Variants in SEPTIN14 observed in about 807,000 individuals in gnomAD.
SEPTIN14 encodes septin 14.
In SEPTIN14, 40 loss-of-function variants were observed where a neutral mutation model predicts 53.6. The observed-to-expected ratio is 0.75, with a 90% CI of 0.58 to 0.97. SEPTIN14 has a LOEUF of 0.97. Ranked by LOEUF, SEPTIN14 falls within the 50% of genes least tolerant of loss-of-function variation. SEPTIN14 has a pLI of 0.00. For synonymous variants in SEPTIN14, 138 were observed against 166.8 expected (o/e 0.83, Z 1.33); for missense variants, 471 against 508.2 (o/e 0.93, Z 0.70).
chr7:55,855,843 C>T (rs992670072), intron 2 of SEPTIN14, among the ~76,000 whole-genome samples: 17 of 152,100 alleles, frequency 1.1e-4, no homozygotes, highest in African/African-American at 2.2e-4. Context: ...TGAACTACCA[C>T]GCCCAGGCCT....
intron 6 of SEPTIN14, among the ~76,000 whole-genome samples, chr7:55,834,020 A>G (rs113131694): frequency 0.011 from 1,670 of 152,248 alleles, 19 homozygotes; most frequent in African/African-American, 0.03. Context: ...TAAAGAGACC[A>G]ATAACAAATA....
Position 55,836,890 on chromosome 7 carries a change from G to T in SEPTIN14, c.559-2304C>A, listed in dbSNP as rs192829559. 2.8e-3 allele frequency among the ~76,000 whole-genome samples: 424 copies of T among 152,126 alleles called. 5 individuals carry two copies. Among genetic ancestry groups the T allele is most frequent in the Middle Eastern group, 0.01 (3 of 294 alleles). On this transcript the variant is annotated intron_variant, in intron 5 of 9. Transcript: ENST00000388975. ...AGATTAAGTACAAAGTCTCTTTTCA[G>T]TTTGAACAATATATAGTAAAAGTTG...
chr7:55,854,784 G>A (rs1286173148), intron 2 of SEPTIN14, among the ~76,000 whole-genome samples: 1 of 152,116 alleles, frequency 6.6e-6, no homozygotes, highest in East Asian at 1.9e-4. Flanking sequence ...ATATTCAAAA[G>A]AGTTTGTCAT....
chr7:55,832,565 T>C (rs1789128455), intron 6 of SEPTIN14, among the ~76,000 whole-genome samples: 1 of 135,204 alleles, frequency 7.4e-6, no homozygotes, highest in Non-Finnish European at 1.5e-5. Flanking sequence ...TGGAATACTA[T>C]GCAGCCATAA....
In SEPTIN14 at chr7:55,795,462, C is replaced by CTAT. The variant is rs1554326297; in HGVS notation, c.*450_*451insATA. On this transcript the variant is annotated 3_prime_UTR_variant, in exon 10 of 10. Coordinates refer to ENST00000388975, the MANE Select transcript of SEPTIN14 (RefSeq NM_207366.3). ...AGGATCTGCCTTCTGGGAGTTCATA[C>CTAT]TTTTTTTTTTTTTTTTTTTTTTGAG... The CTAT allele has an allele frequency of 2.5e-5, 3 of 117,884 alleles. No individual in the cohort carries two copies. The highest frequency in any genetic ancestry group is 5.1e-5 in the Non-Finnish European group (3 of 58,912). 7.3% of individuals were successfully genotyped at this position (117,884 alleles called of 1,614,324 possible).
chr7:55,846,753 A>G (rs1789423862), intron 2 of SEPTIN14, 116 bp from the exon 3 acceptor site: 3 of 577,150 alleles, frequency 5.2e-6, no homozygotes, highest in Non-Finnish European at 9.0e-6. Flanking sequence ...TGCTTATCAT[A>G]CCTCAGACAA....
At chr7:55,858,522 A>T (rs2116085738) in intron 2 of SEPTIN14, among the ~76,000 whole-genome samples, 1 of 152,256 alleles carries the variant, frequency 6.6e-6, no homozygotes, top group African/African-American at 2.4e-5. Flanking sequence ...CCCATAGGGT[A>T]GGCCAGGCGC....
At position 55,862,001 on chromosome 7, in the gene SEPTIN14, C is replaced by A. The variant is rs1363494013; in HGVS notation, c.-5G>T. The A allele has an allele frequency of 1.9e-6, 3 of 1,570,772 alleles. No individual in the cohort carries two copies. In the African/African-American group the frequency reaches 4.1e-5, roughly 21 times the overall value. The stretch of plus-strand genomic sequence containing the variant: ...AGCCATTGTTCTTTCTGCCATGCTA[C>A]ACTAAAAGAGCTGGAAATTTAAAAA... On this transcript the variant is annotated 5_prime_UTR_variant, in exon 2 of 10. Transcript: ENST00000388975.
At position 55,861,927 on chromosome 7, in the gene SEPTIN14, G is replaced by A. The variant is rs1789756311; in HGVS notation, c.54+16C>T. Reference sequence around the variant, plus strand: ...AAGTACAAAATGCAGAGTTATATTTGAAAGATATACTTAACTGTATCTCCA... The same window carrying A: ...AAGTACAAAATGCAGAGTTATATTTAAAAGATATACTTAACTGTATCTCCA... On this transcript the variant is annotated intron_variant, in intron 2 of 9. Transcript: ENST00000388975. The A allele has an allele frequency of 1.7e-5, 25 of 1,504,714 alleles. No individual in the cohort carries two copies. Among genetic ancestry groups the A allele is most frequent in the Non-Finnish European group, 2.2e-5 (24 of 1,116,052 alleles). The allele number at this position is 1,504,714 out of a possible 1,614,324, so 93.2% of individuals were successfully genotyped here. A position where few individuals can be genotyped will look rare whatever the true frequency, so the allele number is the denominator to read the frequency against.
chr7:55,805,485 C>T (rs1205211121), intron 8 of SEPTIN14, 95 bp from the exon 9 acceptor site: 2 of 803,592 alleles, frequency 2.5e-6, no homozygotes, highest in Non-Finnish European at 3.9e-6. Context: ...AAAATCGTGC[C>T]ACTGCACGTC....
chr7:55,808,219 AAC>A (rs1788641117), intron 7 of SEPTIN14, among the ~76,000 whole-genome samples: 1 of 152,188 alleles, frequency 6.6e-6, no homozygotes, highest in African/African-American at 2.4e-5. Context: ...TTCTCAAACA[AAC>A]ACAAGACATT....
At chr7:55,832,373 G>A (rs1217953700) in intron 6 of SEPTIN14, among the ~76,000 whole-genome samples, 2 of 152,098 alleles carry the variant, frequency 1.3e-5, no homozygotes, top group Non-Finnish European at 2.9e-5. Context: ...ACTAAAAATA[G>A]AGCTACCATT....
chr7:55,843,681 A>C lies in SEPTIN14; in HGVS notation c.372-553T>G, dbSNP rs571172482. Reference sequence around the variant, plus strand: ...ACCCTGTCTCTGCTAAAAATACAAAAATTATCTGGGTGTGGTGGCAGGCGC... The same window carrying C: ...ACCCTGTCTCTGCTAAAAATACAAACATTATCTGGGTGTGGTGGCAGGCGC... On this transcript the variant is annotated intron_variant, in intron 4 of 9. Coordinates refer to ENST00000388975, the MANE Select transcript of SEPTIN14 (RefSeq NM_207366.3). 5.9e-5 allele frequency among the ~76,000 whole-genome samples: 9 copies of C among 152,230 alleles called. No homozygotes were observed. The South Asian group carries it at 1.9e-3, about 32-fold the overall frequency.
At chr7:55,809,833 C>T (rs1046476867) in intron 7 of SEPTIN14, among the ~76,000 whole-genome samples, 110 of 111,966 alleles carry the variant, frequency 9.8e-4, no homozygotes, top group Non-Finnish European at 1.3e-3. Context: ...AATGGCTTGT[C>T]TTTTTTTTTT....
chr7:55,813,134 G>C (rs1788731313), intron 7 of SEPTIN14, among the ~76,000 whole-genome samples: 1 of 152,010 alleles, frequency 6.6e-6, no homozygotes, highest in Admixed American at 6.6e-5. Flanking sequence ...ATTTTTAGTA[G>C]AGACAGGGTT....
At chr7:55,817,415 A>C (rs1253256750) in intron 7 of SEPTIN14, among the ~76,000 whole-genome samples, 3 of 151,826 alleles carry the variant, frequency 2.0e-5, no homozygotes, top group Non-Finnish European at 4.4e-5. Context: ...GAACAAGTTA[A>C]AGAGATCTAT....
intron 6 of SEPTIN14, among the ~76,000 whole-genome samples, chr7:55,832,661 T>C (rs182422479): frequency 6.6e-5 from 10 of 152,122 alleles, no homozygotes; most frequent in Non-Finnish European, 1.5e-4. Context: ...GAAAATCAAA[T>C]ACCACATGTT....
At chr7:55,813,818 C>T (rs983250843) in intron 7 of SEPTIN14, among the ~76,000 whole-genome samples, 1 of 152,190 alleles carries the variant, frequency 6.6e-6, no homozygotes, top group Non-Finnish European at 1.5e-5. Flanking sequence ...ACTTGCTGCA[C>T]TGAAGAGATG....
chr7:55,799,351 C>CAAAA (rs57842949), intron 9 of SEPTIN14, among the ~76,000 whole-genome samples: 34 of 104,790 alleles, frequency 3.2e-4, no homozygotes, highest in African/African-American at 9.8e-4. Flanking sequence ...ACTAAAAATA[C>CAAAA]AAAAAAAAAA....
Sources: gnomAD v4.1 joint callset for allele counts (sites outside exome capture counted in the v4.1 genomes callset) on GRCh38, gnomAD v4.1.1 for gene constraint, MANE v1.5 for transcripts, NCBI Gene and HGNC (gene_info 2026-07-23, HGNC 2026-07-21) for gene names.